Variants in GPALPP1 observed in about 807,000 individuals in gnomAD.
The protein encoded by GPALPP1 is GPALPP motifs containing 1.
In GPALPP1, 30 loss-of-function variants were observed where a neutral mutation model predicts 38.9. The observed-to-expected ratio is 0.77, with a 90% CI of 0.58 to 1.05. The LOEUF (loss-of-function observed/expected upper bound fraction) is 1.05, where lower values mean the gene tolerates loss of function less well. Among genes scored for constraint, GPALPP1 ranks in the 50% least tolerant of loss-of-function variants. The probability of loss-of-function intolerance (pLI) is 0.00; values close to 1 mark genes in which losing one functional copy is unlikely to be tolerated. For missense variants in GPALPP1, 384 were observed against 408.8 expected, an observed-to-expected ratio of 0.94 and a Z score of 0.52; for synonymous variants, 120 against 139.2, an observed-to-expected ratio of 0.86 and a Z score of 0.97.
intron 6 of GPALPP1, among the ~76,000 whole-genome samples, chr13:45,015,881 G>C (rs1468116678): frequency 6.6e-6 from 1 of 151,992 alleles, no homozygotes; most frequent in Non-Finnish European, 1.5e-5. Context: ...CCTCTATGAG[G>C]TCAACGTTTC....
intron 4 of GPALPP1, among the ~76,000 whole-genome samples, chr13:45,012,517 T>C (rs898844216): frequency 4.6e-5 from 7 of 152,172 alleles, no homozygotes; most frequent in Admixed American, 2.0e-4. Context: ...AAATAAAAAA[T>C]TGGGGAAAAA....
intron 1 of GPALPP1, among the ~76,000 whole-genome samples, chr13:44,992,744 A>T (rs1349404957): frequency 6.6e-6 from 1 of 152,218 alleles, no homozygotes; most frequent in East Asian, 1.9e-4. Context: ...CTTATAAATC[A>T]GGCAACCATA....
intron 1 of GPALPP1, among the ~76,000 whole-genome samples, chr13:44,990,785 C>A (rs1872740484): frequency 6.6e-6 from 1 of 152,072 alleles, no homozygotes; most frequent in South Asian, 2.1e-4. Flanking sequence ...CTGTCATAAC[C>A]ACTTTAAAAA....
chr13:45,015,593 T>C lies in GPALPP1; in HGVS notation c.702T>C (p.Ala234=). 2 of 1,498,076 alleles carry C rather than the reference T, an allele frequency of 1.3e-6. No homozygotes were observed. The highest frequency in any genetic ancestry group is 1.8e-6 in the Non-Finnish European group (2 of 1,121,838). 92.8% of individuals were successfully genotyped at this position (1,498,076 alleles called of 1,614,324 possible). A position where few individuals can be genotyped will look rare whatever the true frequency, so the allele number is the denominator to read the frequency against. The change falls in exon 6 of 8, where the codon GCT becomes GCC. Residue 234 remains alanine, a synonymous_variant. Transcript: ENST00000379151. ...TDTPADRERK[A]KETQEARKSS... ...CTCCAGCTGATAGGGAAAGGAAAGCTAAGGTGAGAGGTTTTGTTTGTTTGT... is the reference window on the plus strand; with the variant it reads ...CTCCAGCTGATAGGGAAAGGAAAGCCAAGGTGAGAGGTTTTGTTTGTTTGT...
chr13:45,025,128 T>C (rs572652336), intron 7 of GPALPP1, among the ~76,000 whole-genome samples: 1 of 152,260 alleles, frequency 6.6e-6, no homozygotes, highest in South Asian at 2.1e-4. Context: ...CCTAAAGCTA[T>C]TGAAATAAAA....
chr13:45,021,503 G>A (rs1875426615), intron 7 of GPALPP1, among the ~76,000 whole-genome samples: 1 of 152,032 alleles, frequency 6.6e-6, no homozygotes, highest in South Asian at 2.1e-4. Flanking sequence ...AACCCACTAT[G>A]GCCAGATGTA....
chr13:44,996,417 C>A (rs1016323146), intron 1 of GPALPP1, among the ~76,000 whole-genome samples: 2 of 151,284 alleles, frequency 1.3e-5, no homozygotes, highest in Admixed American at 1.3e-4. Flanking sequence ...AAGCCAGGAC[C>A]TGCATGAATA....
intron 1 of GPALPP1, among the ~76,000 whole-genome samples, chr13:44,995,464 G>T (rs1873200281): frequency 6.6e-6 from 1 of 151,876 alleles, no homozygotes; most frequent in African/African-American, 2.4e-5. Flanking sequence ...CCCAGTGAGA[G>T]TTCCTATCAG....
At position 45,008,825 on chromosome 13, in the gene GPALPP1, T is replaced by C. The variant is rs561268193; in HGVS notation, c.354T>C (p.Gly118=). ...RPIIGPALPP[G]FIKSTQKSDK... is the part of the protein sequence containing the mutation. ...TAATAGGTCCTGCATTGCCACCTGG[T>C]TTCATTAAATCTACACAGAAAAGTG... The change falls in exon 4 of 8, where the codon GGT becomes GGC. Residue 118 remains glycine, a synonymous_variant. Coordinates refer to ENST00000379151, the MANE Select transcript of GPALPP1 (RefSeq NM_018559.5). 923 of 1,598,936 alleles carry C rather than the reference T, an allele frequency of 5.8e-4. 9 individuals are homozygous for C. In the South Asian group the frequency reaches 9.7e-3, roughly 17 times the overall value.
At chr13:44,997,777 T>A (rs919896920) in intron 1 of GPALPP1, among the ~76,000 whole-genome samples, 2 of 152,184 alleles carry the variant, frequency 1.3e-5, no homozygotes, top group African/African-American at 2.4e-5. Flanking sequence ...TCATCCACTC[T>A]CTTGCTGGTG....
chr13:45,018,885 A>G (rs1339567392), intron 6 of GPALPP1, among the ~76,000 whole-genome samples: 1 of 146,822 alleles, frequency 6.8e-6, no homozygotes, highest in Non-Finnish European at 1.5e-5. Flanking sequence ...TCTTGCTGAT[A>G]TATATAAATA....
intron 6 of GPALPP1, among the ~76,000 whole-genome samples, chr13:45,018,306 A>G (rs1875021510): frequency 6.6e-6 from 1 of 151,896 alleles, no homozygotes; most frequent in African/African-American, 2.4e-5. Flanking sequence ...CTGAGACAGG[A>G]GAATGGCGTG....
chr13:44,999,672 C>T (rs1274532387), intron 1 of GPALPP1, among the ~76,000 whole-genome samples: 3 of 152,236 alleles, frequency 2.0e-5, no homozygotes, highest in African/African-American at 7.2e-5. Context: ...CTCCGCCTCC[C>T]GGGTTCAAGT....
chr13:45,005,740 G>A (rs1682220108), intron 2 of GPALPP1, among the ~76,000 whole-genome samples: 2 of 151,994 alleles, frequency 1.3e-5, no homozygotes, highest in Non-Finnish European at 2.9e-5. Flanking sequence ...AACTATTGTC[G>A]TAGGCCAGGT....
At chr13:45,014,461 T>G (rs1874692364) in intron 4 of GPALPP1, among the ~76,000 whole-genome samples, 1 of 151,880 alleles carries the variant, frequency 6.6e-6, no homozygotes, top group South Asian at 2.1e-4. Flanking sequence ...GATAATAGTT[T>G]TATTACACTC....
At position 44,989,624 on chromosome 13, in the gene GPALPP1, T is replaced by C. The variant is rs371775017; in HGVS notation, c.-31T>C. 3.8e-6 allele frequency: 6 copies of C among 1,584,204 alleles called. No individual in the cohort carries two copies. In the Admixed American group the frequency reaches 1.0e-4, roughly 27 times the overall value. ...ATAGGGTTGACGTTCGTGGATAGAC[T>C]CATATCTGTGACCAGTGTCCGCCAC... On this transcript the variant is annotated 5_prime_UTR_variant, in exon 1 of 8. Coordinates refer to ENST00000379151, the MANE Select transcript of GPALPP1 (RefSeq NM_018559.5).
intron 1 of GPALPP1, among the ~76,000 whole-genome samples, chr13:45,003,870 A>T (rs1873868094): frequency 6.8e-6 from 1 of 146,284 alleles, no homozygotes; most frequent in African/African-American, 2.5e-5. Context: ...GCCAGGAAAG[A>T]TTTTTTTTTT....
chr13:45,012,322 A>T (rs1593395694), intron 4 of GPALPP1, among the ~76,000 whole-genome samples: 1 of 152,182 alleles, frequency 6.6e-6, no homozygotes, highest in African/African-American at 2.4e-5. Flanking sequence ...TCTGTAACCT[A>T]CTTTCAAATG....
intron 1 of GPALPP1, among the ~76,000 whole-genome samples, chr13:44,999,766 G>C (rs1425116380): frequency 8.5e-5 from 13 of 152,124 alleles, no homozygotes; most frequent in Non-Finnish European, 1.5e-4. Flanking sequence ...TTTTAGTAGA[G>C]ATGGGGTTTC....
Sources: gnomAD v4.1 joint callset for allele counts (sites outside exome capture counted in the v4.1 genomes callset) on GRCh38, gnomAD v4.1.1 for gene constraint, MANE v1.5 for transcripts, NCBI Gene and HGNC (gene_info 2026-07-23, HGNC 2026-07-21) for gene names.